The following MED12L variants were observed in gnomAD, a reference collection of about 807,000 sequenced individuals.
MED12L encodes mediator of RNA polymerase II transcription subunit 12-like protein.
In MED12L, 60 loss-of-function variants were observed where a neutral mutation model predicts 281.3. That is an observed-to-expected ratio of 0.21 (90% confidence interval 0.17 to 0.26). The LOEUF (loss-of-function observed/expected upper bound fraction) is 0.26. MED12L is among the 10% of genes least tolerant of loss of function. The pLI is 1.00. For synonymous variants in MED12L, 974 were observed against 987.2 expected, an observed-to-expected ratio of 0.99 and a Z score of 0.25; for missense variants, 2,146 against 2,680.9, an observed-to-expected ratio of 0.80 and a Z score of 4.41.
At chr3:151,335,895 C>T (rs149047030) in intron 16 of MED12L, among the ~76,000 whole-genome samples, 273 of 152,230 alleles carry the variant, frequency 1.8e-3, no homozygotes, top group African/African-American at 6.2e-3. Flanking sequence ...TACTAAAATA[C>T]CATATTACTA....
At chr3:151,263,126 G>A (rs1047665521) in intron 16 of MED12L, among the ~76,000 whole-genome samples, 6 of 152,188 alleles carry the variant, frequency 3.9e-5, no homozygotes, top group East Asian at 1.9e-4. Flanking sequence ...CTGCATGGGC[G>A]AAGTGGGTGC....
Position 151,367,781 on chromosome 3 carries a change from A to G in MED12L, c.3448+15A>G. On this transcript the variant is annotated intron_variant, in intron 24 of 44. Coordinates refer to ENST00000687756, the MANE Select transcript of MED12L (RefSeq NM_001393769.1). ...TCTAGCAGCAGGTAAGGCAGCATCCATGAACATCCGTTGCTCTTTGATTGT... is the reference window on the plus strand; with the variant it reads ...TCTAGCAGCAGGTAAGGCAGCATCCGTGAACATCCGTTGCTCTTTGATTGT... The G allele has an allele frequency of 6.3e-7, 1 of 1,595,350 alleles. No homozygotes were observed. Among genetic ancestry groups the G allele is most frequent in the African/African-American group, 1.3e-5 (1 of 74,360 alleles).
At chr3:151,300,002 CA>C in intron 16 of MED12L, 1 of 1,115,186 alleles carries the variant, frequency 9.0e-7, no homozygotes, top group Admixed American at 1.7e-5. Flanking sequence ...CCCAAATTCC[CA>C]AACAGTGGAA....
At chr3:151,279,385 G>A (rs1742437588) in intron 16 of MED12L, among the ~76,000 whole-genome samples, 1 of 152,214 alleles carries the variant, frequency 6.6e-6, no homozygotes, top group Non-Finnish European at 1.5e-5. Context: ...AGGAGGCAGT[G>A]TTCTGGACAT....
At chr3:151,138,980 TCTACCTAC>T (rs374854260) in intron 5 of MED12L, among the ~76,000 whole-genome samples, 5 of 142,894 alleles carry the variant, frequency 3.5e-5, no homozygotes, top group African/African-American at 1.1e-4. Flanking sequence ...TTGTCTCTTA[TCTACCTAC>T]CTACCTACCT....
At chr3:151,091,696 C>CT (rs1301484929) in intron 2 of MED12L, among the ~76,000 whole-genome samples, 3 of 152,218 alleles carry the variant, frequency 2.0e-5, no homozygotes, top group Non-Finnish European at 4.4e-5. Context: ...CCTCCAGTGG[C>CT]TTTTTCCATT....
Position 151,365,102 on chromosome 3 carries a change from C to T in MED12L, c.3081C>T (p.Asn1027=). The T allele has an allele frequency of 6.2e-7, 1 of 1,614,014 alleles. No homozygotes were observed. The highest frequency in any genetic ancestry group is 8.5e-7 in the Non-Finnish European group (1 of 1,179,888). ...AGAATCCCTCAGCCCGCAGCATCAACTACTCAATGCTGGGCAAGATCCTCA... is the reference window on the plus strand; with the variant it reads ...AGAATCCCTCAGCCCGCAGCATCAATTACTCAATGCTGGGCAAGATCCTCA... ...FIENPSARSI[N]YSMLGKILSD... Residue 1027 remains asparagine, a synonymous_variant, in exon 22 of 45, where the codon AAC becomes AAT. Transcript: ENST00000687756.
chr3:151,256,865 T>TG (rs1477213571), intron 16 of MED12L, among the ~76,000 whole-genome samples: 2 of 150,506 alleles, frequency 1.3e-5, no homozygotes, highest in African/African-American at 4.9e-5. Flanking sequence ...TTTTTGTTGT[T>TG]TTTTTTTTTA....
rs1255538927 is a variant in MED12L, at chr3:151,350,093, C to A, written c.2285C>A (p.Thr762Lys). 2 of 1,612,896 alleles carry A rather than the reference C, an allele frequency of 1.2e-6. No individual in the cohort carries two copies. The highest frequency in any genetic ancestry group is 1.7e-6 in the Non-Finnish European group (2 of 1,179,252). The part of the protein sequence containing the change: ...ESSSHECNQR[T>K]ILLYGVGKER... The stretch of plus-strand genomic sequence containing the variant: ...TCAAGTCATGAATGTAACCAGCGCA[C>A]AATCCTTCTCTATGGAGTCGGCAAA... Residue 762 changes from threonine (T) to lysine (K), a missense_variant, in exon 17 of 45, where the codon ACA (threonine) becomes AAA (lysine). Transcript: ENST00000687756.
intron 2 of MED12L, among the ~76,000 whole-genome samples, chr3:151,111,996 A>T (rs1711974898): frequency 6.6e-6 from 1 of 152,110 alleles, no homozygotes; most frequent in Admixed American, 6.5e-5. Context: ...CTCAGATGGG[A>T]ATCTGTTTTA....
chr3:151,094,969 G>A (rs1432112006), intron 2 of MED12L, among the ~76,000 whole-genome samples: 3 of 152,140 alleles, frequency 2.0e-5, no homozygotes, highest in East Asian at 1.9e-4. Flanking sequence ...ATGTACCTGC[G>A]ATCTGCCAAA....
At chr3:151,109,246 G>A (rs1020602227) in intron 2 of MED12L, among the ~76,000 whole-genome samples, 3 of 152,012 alleles carry the variant, frequency 2.0e-5, no homozygotes, top group African/African-American at 7.2e-5. Flanking sequence ...AAGTAGAGAC[G>A]GGGTTTCACC....
chr3:151,200,119 T>G (rs1448803276), intron 16 of MED12L, among the ~76,000 whole-genome samples: 8 of 150,778 alleles, frequency 5.3e-5, no homozygotes, highest in Admixed American at 4.6e-4. Context: ...TTTTCTTTCA[T>G]TGTGGGTTTT....
At chr3:151,361,174 T>C (rs1560076215) in intron 21 of MED12L, among the ~76,000 whole-genome samples, 1 of 152,152 alleles carries the variant, frequency 6.6e-6, no homozygotes, top group Non-Finnish European at 1.5e-5. Context: ...TGGTGACTCA[T>C]AGAAGGTTCT....
chr3:151,352,781 G>A (rs1175794579), intron 17 of MED12L, among the ~76,000 whole-genome samples: 4 of 152,004 alleles, frequency 2.6e-5, no homozygotes, highest in Non-Finnish European at 4.4e-5. Flanking sequence ...GGTTGTCAAT[G>A]GTGTATCTTT....
chr3:151,360,833 C>T (rs995797152), intron 21 of MED12L, among the ~76,000 whole-genome samples: 3 of 151,440 alleles, frequency 2.0e-5, no homozygotes, highest in African/African-American at 7.3e-5. Flanking sequence ...GTTTTTTTTC[C>T]CCCAATATTG....
At chr3:151,168,301 AATT>A (rs1222664490) in intron 11 of MED12L, among the ~76,000 whole-genome samples, 1 of 152,226 alleles carries the variant, frequency 6.6e-6, no homozygotes, top group Non-Finnish European at 1.5e-5. Flanking sequence ...AAATGAATGT[AATT>A]ATTATGATCG....
rs1280207669 is a variant in MED12L at position 151,159,984 on chromosome 3, G to A, written c.990G>A (p.Gly330=). 3 of 1,614,060 alleles carry A rather than the reference G, an allele frequency of 1.9e-6. No homozygotes were observed. The African/African-American group carries it at 4.0e-5, about 22-fold the overall frequency. ...TAGGACCAAACAACTCGAGTATCGG[G>A]GCCCCCAGCCCTGGCCCCCCCGGCC... ...MMIGPNNSSI[G]APSPGPPGPG... Residue 330 remains glycine, a synonymous_variant, in exon 8 of 45, where the codon GGG becomes GGA. Coordinates refer to ENST00000687756, the MANE Select transcript of MED12L (RefSeq NM_001393769.1).
intron 16 of MED12L, among the ~76,000 whole-genome samples, chr3:151,325,141 T>G (rs2149841158): frequency 6.6e-6 from 1 of 152,320 alleles, no homozygotes. Flanking sequence ...AATGATTGTT[T>G]TATAAGTTAT....
Sources: gnomAD v4.1 joint callset for allele counts (sites outside exome capture counted in the v4.1 genomes callset) on GRCh38, gnomAD v4.1.1 for gene constraint, MANE v1.5 for transcripts, NCBI Gene and HGNC (gene_info 2026-07-23, HGNC 2026-07-21) for gene names.